Variants in TTC39C observed in about 807,000 individuals in gnomAD.
TTC39C encodes the protein tetratricopeptide repeat protein 39C.
Under a neutral mutation model 76.3 loss-of-function variants are expected in TTC39C, and 33 were observed. The ratio of observed to expected loss-of-function variants is 0.43; its 90% CI spans 0.33 to 0.58. The LOEUF (loss-of-function observed/expected upper bound fraction) is 0.58, where lower values mean the gene tolerates loss of function less well. TTC39C is among the 20% of genes least tolerant of loss of function. The pLI is 0.04. For synonymous variants in TTC39C, 254 were observed against 260.6 expected (o/e 0.97, Z 0.24); for missense variants, 595 against 701.4 (o/e 0.85, Z 1.71).
chr18:24,114,229 C>G (rs2084859633), intron 6 of TTC39C: 1 of 281,256 alleles, frequency 3.6e-6, no homozygotes, highest in African/African-American at 2.2e-5. Flanking sequence ...GCGGCGCGAG[C>G]TGAGCCCTTA....
At position 24,060,386 on chromosome 18, in the gene TTC39C, C is replaced by T. The variant is rs532451435; in HGVS notation, c.168-3754C>T. On this transcript the variant is annotated intron_variant, in intron 1 of 13. Transcript: ENST00000317571. ...AGGCTGAAGTGCAGTGGCGCGATCT[C>T]GGCTCACTGCAGCTTCTGCCACTCA... Among the ~76,000 whole-genome samples the T allele has an allele frequency of 3.1e-4, 43 of 138,342 alleles. No individual in the cohort carries two copies. In the South Asian group the frequency reaches 4.5e-3, roughly 14 times the overall value. The allele number at this position is 138,342 out of a possible 152,430, so 90.8% of individuals were successfully genotyped here.
chr18:24,009,728 C>T (rs1340032489), intron 1 of TTC39C, among the ~76,000 whole-genome samples: 1 of 152,214 alleles, frequency 6.6e-6, no homozygotes, highest in Non-Finnish European at 1.5e-5. Flanking sequence ...AGAGACAATG[C>T]CTTCTTCCCC....
Position 24,064,124 on chromosome 18 carries a change from T to A in TTC39C, c.168-16T>A. Reference sequence around the variant, plus strand: ...AATAATTGTATTTTGTGTGTGTGTGTGTGTTTTTTTAACAGAAATCATAGC... The same window carrying A: ...AATAATTGTATTTTGTGTGTGTGTGAGTGTTTTTTTAACAGAAATCATAGC... On this transcript the variant is annotated splice_polypyrimidine_tract_variant and intron_variant, in intron 1 of 13. Transcript: ENST00000317571. The A allele has an allele frequency of 6.2e-7, 1 of 1,610,572 alleles. No homozygotes were observed.
rs71163650 is a variant in TTC39C, at chr18:23,997,551, CAAAAAAAA to C, written c.-17+4530_-17+4537del. On this transcript the variant is annotated intron_variant, in intron 1 of 13. Transcript: ENST00000304621. Reference sequence around the variant, plus strand: ...TGGGCAATAGAGCAAGTCTCTGTCTCAAAAAAAAAAAAAAAAAAAAAAAAGAGAAAGAA... The same window carrying C: ...TGGGCAATAGAGCAAGTCTCTGTCTCAAAAAAAAAAAAAAAAGAGAAAGAA... 7.7e-4 allele frequency among the ~76,000 whole-genome samples: 40 copies of C among 52,184 alleles called. 1 individual carries two copies. The highest frequency in any genetic ancestry group is 2.1e-3 in the African/African-American group (25 of 12,032). The allele number at this position is 52,184 out of a possible 152,430, so 34.2% of individuals were successfully genotyped here.
intron 6 of TTC39C, among the ~76,000 whole-genome samples, chr18:24,085,789 G>A (rs879427293): frequency 6.6e-6 from 1 of 152,208 alleles, no homozygotes; most frequent in Non-Finnish European, 1.5e-5. Context: ...CGGTTATTTA[G>A]TGAGCTGTAG....
intron 1 of TTC39C, among the ~76,000 whole-genome samples, chr18:24,062,079 T>A (rs2084108580): frequency 6.6e-6 from 1 of 152,198 alleles, no homozygotes; most frequent in South Asian, 2.1e-4. Context: ...ATGGTTTCCT[T>A]GCGTTGTTGC....
chr18:24,116,453 G>A (rs190920047), intron 7 of TTC39C, among the ~76,000 whole-genome samples: 405 of 152,270 alleles, frequency 2.7e-3, no homozygotes, highest in Admixed American at 6.0e-3. Flanking sequence ...TGAGGCGGGC[G>A]GGAGAGTGGC....
rs1281316990 is a variant in TTC39C, at chr18:24,134,268, T to G, written c.*1694T>G. Reference sequence around the variant, plus strand: ...AATATTGGACATCTGTTTTTTGTTTTTTTTTTTTTTTTTTTTTTTTTTTGA... The same window carrying G: ...AATATTGGACATCTGTTTTTTGTTTGTTTTTTTTTTTTTTTTTTTTTTTGA... On this transcript the variant is annotated 3_prime_UTR_variant, in exon 14 of 14. Coordinates refer to ENST00000317571, the MANE Select transcript of TTC39C (RefSeq NM_001135993.2). 5 of 114,076 alleles carry G rather than the reference T, an allele frequency of 4.4e-5. No individual in the cohort carries two copies. Among genetic ancestry groups the G allele is most frequent in the African/African-American group, 1.2e-4 (3 of 25,026 alleles). 7.1% of individuals were successfully genotyped at this position (114,076 alleles called of 1,614,324 possible). A position where few individuals can be genotyped will look rare whatever the true frequency, so the allele number is the denominator to read the frequency against.
intron 1 of TTC39C, chr18:24,001,769 T>A (rs1471791834): frequency 2.6e-5 from 4 of 152,168 alleles, no homozygotes; most frequent in Non-Finnish European, 2.9e-5. Context: ...TTTGGGGTTT[T>A]AAATTTATTA....
At chr18:24,119,932 G>A (rs1233275723) in intron 8 of TTC39C, among the ~76,000 whole-genome samples, 1 of 150,704 alleles carries the variant, frequency 6.6e-6, no homozygotes, top group East Asian at 2.0e-4. Context: ...ATACATAAAT[G>A]TACAGCGTGG....
upstream of TTC39C, among the ~76,000 whole-genome samples, chr18:24,012,127 G>C (rs2083398106): frequency 2.6e-5 from 4 of 152,086 alleles, no homozygotes. Flanking sequence ...GCTGCCACAA[G>C]TATTACTAGT....
At chr18:24,130,484 C>A (rs1013713067) in intron 12 of TTC39C, 67 bp downstream of exon 12, 2 of 520,260 alleles carry the variant, frequency 3.8e-6, no homozygotes, top group African/African-American at 2.0e-5. Context: ...TGGAAGTGGG[C>A]AAGCACAAAG....
chr18:24,127,501 G>A (rs1242000664), intron 10 of TTC39C, among the ~76,000 whole-genome samples: 1 of 151,980 alleles, frequency 6.6e-6, no homozygotes, highest in Non-Finnish European at 1.5e-5. Context: ...CTTCCTTTGT[G>A]TCGTTTTTTG....
chr18:24,067,249 A>G (rs1224401492), intron 3 of TTC39C, among the ~76,000 whole-genome samples: 1 of 152,218 alleles, frequency 6.6e-6, no homozygotes, highest in Non-Finnish European at 1.5e-5. Context: ...CGTCTAATCA[A>G]TGACCAAGTG....
intron 8 of TTC39C, 88 bp downstream of exon 8, chr18:24,118,320 G>A (rs1195315256): frequency 1.9e-6 from 2 of 1,026,510 alleles, no homozygotes; most frequent in African/African-American, 3.2e-5. Context: ...ATGGCAAGAG[G>A]AAGCAAAAGT....
intron 10 of TTC39C, among the ~76,000 whole-genome samples, chr18:24,127,068 G>T (rs1284739589): frequency 6.6e-6 from 1 of 152,164 alleles, no homozygotes; most frequent in East Asian, 1.9e-4. Context: ...CCCTTTCCAG[G>T]TATCAAAATG....
chr18:23,998,616 A>T (rs1189581972), intron 1 of TTC39C, among the ~76,000 whole-genome samples: 1 of 152,108 alleles, frequency 6.6e-6, no homozygotes. Context: ...TCTCAAAAAT[A>T]TATAATAATA....
At chr18:24,082,881 T>C (rs201410501) in intron 5 of TTC39C, 32 bp from the exon 6 acceptor site, 2 of 1,545,988 alleles carry the variant, frequency 1.3e-6, no homozygotes, top group East Asian at 2.3e-5. Context: ...GGAAAGTTAA[T>C]GTGCTCAATG....
chr18:24,119,895 T>A (rs951503306), intron 8 of TTC39C, among the ~76,000 whole-genome samples: 1 of 152,196 alleles, frequency 6.6e-6, no homozygotes, highest in African/African-American at 2.4e-5. Context: ...GACAGCTATT[T>A]ATTTTTTCAT....
Sources: gnomAD v4.1 joint callset for allele counts (sites outside exome capture counted in the v4.1 genomes callset) on GRCh38, gnomAD v4.1.1 for gene constraint, MANE v1.5 for transcripts, NCBI Gene and HGNC (gene_info 2026-07-23, HGNC 2026-07-21) for gene names.